Variants in DIP2C observed in about 807,000 individuals in gnomAD.
DIP2C encodes the protein disco-interacting protein 2 homolog C.
DIP2C carries 33 observed loss-of-function variants against 192.4 expected under a neutral mutation model. That is an observed-to-expected ratio of 0.17 (90% CI 0.13 to 0.23). DIP2C has a LOEUF of 0.23. DIP2C is among the 10% of genes least tolerant of loss of function. The pLI is 1.00. For missense variants in DIP2C, 1,537 were observed against 2,110.1 expected, an observed-to-expected ratio of 0.73 and a Z score of 5.32; for synonymous variants, 979 against 864.1, an observed-to-expected ratio of 1.13 and a Z score of -2.33.
At chr10:447,883 G>A (rs1233463297) in intron 3 of DIP2C, among the ~76,000 whole-genome samples, 1 of 119,932 alleles carries the variant, frequency 8.3e-6, no homozygotes, top group Non-Finnish European at 1.6e-5. Flanking sequence ...TAATAATCAG[G>A]ATCACACACA....
At chr10:674,509 C>T (rs1161308997) in intron 1 of DIP2C, among the ~76,000 whole-genome samples, 1 of 151,890 alleles carries the variant, frequency 6.6e-6, no homozygotes, top group African/African-American at 2.4e-5. Flanking sequence ...GTGCCTCACA[C>T]CTGTAATCCC....
At chr10:650,584 C>T (rs1021762214) in intron 1 of DIP2C, 1 of 621,180 alleles carries the variant, frequency 1.6e-6, no homozygotes, top group Non-Finnish European at 2.9e-6. Flanking sequence ...GACGTGGGCC[C>T]CTTCAGTTTG....
At chr10:677,538 G>C (rs1368396844) in intron 1 of DIP2C, among the ~76,000 whole-genome samples, 1 of 152,168 alleles carries the variant, frequency 6.6e-6, no homozygotes, top group African/African-American at 2.4e-5. Context: ...ATGATGTACT[G>C]CTTGAAACGG....
intron 1 of DIP2C, among the ~76,000 whole-genome samples, chr10:655,182 G>A (rs756554976): frequency 2.6e-5 from 4 of 152,172 alleles, no homozygotes; most frequent in Non-Finnish European, 5.9e-5. Context: ...CTATGTAAAA[G>A]CCCTTGTAGT....
chr10:633,500 C>T (rs1461438590), intron 1 of DIP2C, among the ~76,000 whole-genome samples: 2 of 151,932 alleles, frequency 1.3e-5, no homozygotes, highest in South Asian at 2.1e-4. Context: ...GGTGGCCACG[C>T]CTCCCCTGCC....
At chr10:673,072 C>T (rs1235886856) in intron 1 of DIP2C, among the ~76,000 whole-genome samples, 1 of 152,162 alleles carries the variant, frequency 6.6e-6, no homozygotes, top group East Asian at 1.9e-4. Context: ...ATGGAATGAG[C>T]TTTCCCCGGC....
chr10:489,319 T>C (rs1304549899), intron 1 of DIP2C, among the ~76,000 whole-genome samples: 2 of 152,190 alleles, frequency 1.3e-5, no homozygotes, highest in East Asian at 1.9e-4. Flanking sequence ...GTCCTTTATT[T>C]TGAAGAACCA....
intron 3 of DIP2C, 115 bp downstream of exon 3, chr10:472,324 C>T (rs367994056): frequency 6.9e-6 from 6 of 866,966 alleles, no homozygotes; most frequent in African/African-American, 1.7e-5. Context: ...GGAGGCCCCT[C>T]GCGTGCTGCA....
At chr10:626,072 G>A (rs1387491640) in intron 1 of DIP2C, among the ~76,000 whole-genome samples, 2 of 152,194 alleles carry the variant, frequency 1.3e-5, no homozygotes, top group Non-Finnish European at 2.9e-5. Context: ...TGAGCAGGAG[G>A]TCTGTGAACA....
chr10:686,881 G>A (rs558311643), intron 1 of DIP2C, among the ~76,000 whole-genome samples: 9 of 152,386 alleles, frequency 5.9e-5, no homozygotes, highest in East Asian at 5.8e-4. Flanking sequence ...CACACAATGC[G>A]TAACCCACGC....
intron 32 of DIP2C, among the ~76,000 whole-genome samples, chr10:295,036 GAAAT>G (rs961227940): frequency 6.6e-6 from 1 of 150,464 alleles, no homozygotes; most frequent in African/African-American, 2.4e-5. Context: ...TTTCTCAAAA[GAAAT>G]AAATGTCCAG....
intron 1 of DIP2C, among the ~76,000 whole-genome samples, chr10:580,338 GTA>G (rs1403519434): frequency 6.6e-6 from 1 of 152,084 alleles, no homozygotes; most frequent in Non-Finnish European, 1.5e-5. Flanking sequence ...TTCAGTGTGC[GTA>G]GTGTACATGC....
At chr10:392,218 G>A (rs1317973442) in intron 10 of DIP2C, among the ~76,000 whole-genome samples, 1 of 152,172 alleles carries the variant, frequency 6.6e-6, no homozygotes, top group Non-Finnish European at 1.5e-5. Context: ...GAGGTGGGGC[G>A]ACATCAGCTT....
chr10:407,107 A>C (rs1448945227), intron 9 of DIP2C, among the ~76,000 whole-genome samples: 1 of 152,200 alleles, frequency 6.6e-6, no homozygotes, highest in African/African-American at 2.4e-5. Context: ...AGTCTCCCGC[A>C]CAGCCAGCTC....
intron 17 of DIP2C, among the ~76,000 whole-genome samples, chr10:375,869 T>C (rs1456879473): frequency 6.0e-3 from 2 of 334 alleles, no homozygotes; most frequent in Admixed American, 0.091. Context: ...CAACAAGGTC[T>C]TTCATTTTTT....
chr10:654,896 T>C (rs750389509), intron 1 of DIP2C, among the ~76,000 whole-genome samples: 49 of 152,212 alleles, frequency 3.2e-4, no homozygotes, highest in Non-Finnish European at 6.5e-4. Flanking sequence ...TATTATACTG[T>C]TTCATTCTAC....
At chr10:327,275 ACT>A in intron 30 of DIP2C, 99 bp from the exon 31 acceptor site, 1 of 1,382,024 alleles carries the variant, frequency 7.2e-7, no homozygotes, top group Non-Finnish European at 9.6e-7. Flanking sequence ...ACATTGGAAA[ACT>A]CAACACAGCT....
chr10:502,752 G>GTA (rs997978404), intron 1 of DIP2C, among the ~76,000 whole-genome samples: 8 of 152,102 alleles, frequency 5.3e-5, no homozygotes, highest in Admixed American at 3.3e-4. Flanking sequence ...AAACACTTAG[G>GTA]TATACATTTA....
intron 32 of DIP2C, among the ~76,000 whole-genome samples, chr10:294,634 C>T (rs375317561): frequency 1.7e-4 from 25 of 151,350 alleles, no homozygotes; most frequent in African/African-American, 5.6e-4. Flanking sequence ...AATGCATTAA[C>T]GTTTCTGTGG....
Sources: gnomAD v4.1 joint callset for allele counts (sites outside exome capture counted in the v4.1 genomes callset) on GRCh38, gnomAD v4.1.1 for gene constraint, MANE v1.5 for transcripts, NCBI Gene and HGNC (gene_info 2026-07-23, HGNC 2026-07-21) for gene names.